The following COL6A6 variants were observed in gnomAD, a reference collection of about 807,000 sequenced individuals.
COL6A6 encodes the protein collagen type VI alpha 6 chain.
In COL6A6, 183 loss-of-function variants were observed where a neutral mutation model predicts 208.6. The ratio of observed to expected loss-of-function variants is 0.88; its 90% CI spans 0.78 to 0.99. COL6A6 has a LOEUF of 0.99. Among genes scored for constraint, COL6A6 ranks in the 50% least tolerant of loss-of-function variants. The pLI, the probability that COL6A6 is intolerant of heterozygous loss-of-function variation, is 0.00. For missense variants in COL6A6, 2,816 were observed against 2,815.2 expected, an observed-to-expected ratio of 1.00 and a Z score of -0.01; for synonymous variants, 973 against 1,011.8, an observed-to-expected ratio of 0.96 and a Z score of 0.73.
intron 1 of COL6A6, among the ~76,000 whole-genome samples, chr3:130,535,936 C>T (rs1038581414): frequency 3.3e-5 from 5 of 152,172 alleles, no homozygotes; most frequent in African/African-American, 1.2e-4. Flanking sequence ...AGCTTCTGAG[C>T]CTCAACTCCT....
At position 130,620,119 on chromosome 3, in the gene COL6A6, G is replaced by GT. The variant is rs148183377; in HGVS notation, c.4816-1693dup. ...CTGGTTAAGTCTTGAGTTTTGTTTTGTTTTTTTTTGGCATAGAGGCTTGCT... is the reference window on the plus strand; with the variant it reads ...CTGGTTAAGTCTTGAGTTTTGTTTTGTTTTTTTTTTGGCATAGAGGCTTGCT... On this transcript the variant is annotated intron_variant, in intron 23 of 36. Coordinates refer to ENST00000358511, the MANE Select transcript of COL6A6 (RefSeq NM_001102608.3). 3.2e-3 allele frequency among the ~76,000 whole-genome samples: 485 copies of GT among 150,016 alleles called. 1 individual carries two copies. The highest frequency in any genetic ancestry group is 7.6e-3 in the African/African-American group (312 of 40,856).
chr3:130,670,716 T>C (rs77031252), intron 36 of COL6A6, among the ~76,000 whole-genome samples: 1 of 152,284 alleles, frequency 6.6e-6, no homozygotes, highest in East Asian at 1.9e-4. Context: ...CCCACCTACA[T>C]CGAGGCACCC....
rs1032518010 is a variant in COL6A6 at position 130,669,530 on chromosome 3, A to G, written c.6596+4434A>G. ...AGAACTGTGTAACAATCAAAATGCT[A>G]TATGTCAAAACTTGTAGGATGCACC... On this transcript the variant is annotated intron_variant, in intron 36 of 36. Coordinates refer to ENST00000358511, the MANE Select transcript of COL6A6 (RefSeq NM_001102608.3). 1.7e-4 allele frequency among the ~76,000 whole-genome samples: 26 copies of G among 152,108 alleles called. 1 individual carries two copies. The highest frequency in any genetic ancestry group is 2.6e-4 in the Admixed American group (4 of 15,270).
chr3:130,657,971 C>A (rs2065837687), intron 33 of COL6A6, among the ~76,000 whole-genome samples: 1 of 152,078 alleles, frequency 6.6e-6, no homozygotes, highest in African/African-American at 2.4e-5. Flanking sequence ...TTGTTCAGAG[C>A]CTCCTTATCT....
intron 1 of COL6A6, among the ~76,000 whole-genome samples, chr3:130,533,566 T>A (rs9283579): frequency 5.0e-4 from 76 of 152,156 alleles, no homozygotes; most frequent in South Asian, 1.9e-3. Context: ...TTCAGACTTT[T>A]TAAAAAAATA....
chr3:130,567,159 G>A lies in COL6A6; in HGVS notation c.1740G>A (p.Leu580=), dbSNP rs1475523085. Residue 580 remains leucine, a synonymous_variant, in exon 5 of 37, where the codon CTG becomes CTA. Coordinates refer to ENST00000358511, the MANE Select transcript of COL6A6 (RefSeq NM_001102608.3). ...IGIKEANQTQ[L]REIAGEEKRV... ...TCAAGGAGGCCAACCAAACACAGCT[G>A]AGAGAAATTGCAGGAGAGGAAAAGA... is the stretch of plus-strand genomic sequence containing the variant. 6.2e-7 allele frequency: 1 copy of A among 1,613,890 alleles called. No individual in the cohort carries two copies. Among genetic ancestry groups the A allele is most frequent in the East Asian group, 2.2e-5 (1 of 44,886 alleles).
In COL6A6 at chr3:130,649,058, T is replaced by TA; in HGVS notation, c.5240-11_5240-10insA. 6.5e-7 allele frequency: 1 copy of TA among 1,541,976 alleles called. No homozygotes were observed. Among genetic ancestry groups the TA allele is most frequent in the Non-Finnish European group, 8.8e-7 (1 of 1,142,162 alleles). ...TAAGGATGCTATGTGTTAAGGGATATGGTCTTTTAGGAAAACCGGAATGCC... is the reference window on the plus strand; with the variant it reads ...TAAGGATGCTATGTGTTAAGGGATATAGGTCTTTTAGGAAAACCGGAATGCC... On this transcript the variant is annotated splice_polypyrimidine_tract_variant and intron_variant, in intron 32 of 36. Transcript: ENST00000358511.
chr3:130,663,951 C>G (rs1576423330), intron 35 of COL6A6, among the ~76,000 whole-genome samples: 1 of 152,292 alleles, frequency 6.6e-6, no homozygotes, highest in East Asian at 1.9e-4. Context: ...AATTCCATAG[C>G]AGGCTCACAG....
chr3:130,622,916 A>G (rs1279029220), intron 24 of COL6A6, among the ~76,000 whole-genome samples: 2 of 151,786 alleles, frequency 1.3e-5, no homozygotes, highest in African/African-American at 4.8e-5. Context: ...TGGCAAGCAG[A>G]GAAGGGAATG....
At chr3:130,586,452 A>T (rs2108032444) in intron 10 of COL6A6, 54 bp from the exon 11 acceptor site, 55 of 1,524,274 alleles carry the variant, frequency 3.6e-5, no homozygotes, top group Non-Finnish European at 4.7e-5. Flanking sequence ...GCTTGCAAAA[A>T]ACTAAAGTAA....
Position 130,565,139 on chromosome 3 carries a change from C to T in COL6A6, c.807C>T (p.Gly269=). The change falls in exon 4 of 37, where the codon GGC becomes GGT. Residue 269 remains glycine, a synonymous_variant. Coordinates refer to ENST00000358511, the MANE Select transcript of COL6A6 (RefSeq NM_001102608.3). ...LDIKENCMRV[G]LVAYSNETKV... is the part of the protein sequence containing the mutation. ...TAAAGGAAAATTGCATGAGGGTTGGCCTTGTGGCCTATAGCAATGAGACAA... is the reference window on the plus strand; with the variant it reads ...TAAAGGAAAATTGCATGAGGGTTGGTCTTGTGGCCTATAGCAATGAGACAA... The T allele has an allele frequency of 6.2e-7, 1 of 1,613,974 alleles. No homozygotes were observed. The highest frequency in any genetic ancestry group is 8.5e-7 in the Non-Finnish European group (1 of 1,179,874).
intron 1 of COL6A6, among the ~76,000 whole-genome samples, chr3:130,560,010 T>C (rs1020426933): frequency 5.3e-5 from 8 of 152,164 alleles, no homozygotes; most frequent in Admixed American, 2.0e-4. Context: ...AATGAATAGA[T>C]AGAGGATGGC....
At chr3:130,520,658 G>A (rs986006612) in intron 1 of COL6A6, among the ~76,000 whole-genome samples, 4 of 152,208 alleles carry the variant, frequency 2.6e-5, no homozygotes, top group African/African-American at 7.2e-5. Context: ...TGCATCTCAT[G>A]TAAAGCTGTA....
At chr3:130,529,971 C>T (rs1577608975) in intron 1 of COL6A6, among the ~76,000 whole-genome samples, 1 of 152,282 alleles carries the variant, frequency 6.6e-6, no homozygotes, top group East Asian at 1.9e-4. Context: ...TCAGCCCTTC[C>T]GTATTAGCAT....
chr3:130,595,781 G>C (rs1245204776), intron 18 of COL6A6, among the ~76,000 whole-genome samples: 1 of 152,048 alleles, frequency 6.6e-6, no homozygotes, highest in Non-Finnish European at 1.5e-5. Context: ...TATGTCTTTT[G>C]ATGCACTTTT....
At chr3:130,634,202 T>TA (rs1177021616) in intron 26 of COL6A6, among the ~76,000 whole-genome samples, 440 of 36,176 alleles carry the variant, frequency 0.012, 13 homozygotes, top group South Asian at 0.033. Context: ...TATAAAATGT[T>TA]AAAAAAAAAA....
intron 24 of COL6A6, among the ~76,000 whole-genome samples, chr3:130,625,625 G>C (rs986380607): frequency 7.9e-5 from 12 of 152,114 alleles, no homozygotes; most frequent in Non-Finnish European, 1.5e-4. Context: ...TTCTCAAAAT[G>C]GTCAAGGTTA....
intron 34 of COL6A6, 67 bp from the exon 35 acceptor site, chr3:130,661,570 A>C: frequency 6.9e-6 from 9 of 1,297,392 alleles, no homozygotes; most frequent in Non-Finnish European, 6.4e-6. Flanking sequence ...AAATGTCAAA[A>C]TATTTGACAT....
At chr3:130,655,599 T>C (rs1031418147) in intron 33 of COL6A6, among the ~76,000 whole-genome samples, 1 of 152,170 alleles carries the variant, frequency 6.6e-6, no homozygotes, top group African/African-American at 2.4e-5. Flanking sequence ...GGCAGGTATA[T>C]TTACCTGGTC....
Sources: gnomAD v4.1 joint callset for allele counts (sites outside exome capture counted in the v4.1 genomes callset) on GRCh38, gnomAD v4.1.1 for gene constraint, MANE v1.5 for transcripts, NCBI Gene and HGNC (gene_info 2026-07-23, HGNC 2026-07-21) for gene names.